Variants in EPHA6 observed in about 807,000 individuals in gnomAD.
The protein encoded by EPHA6 is EPH receptor A6, also known as ephrin type-A receptor 6.
Under a neutral mutation model 112.0 loss-of-function variants are expected in EPHA6, and 50 were observed. That is an observed-to-expected ratio of 0.45 (90% CI 0.36 to 0.56). EPHA6 has a LOEUF of 0.56. Among genes scored for constraint, EPHA6 ranks in the 20% least tolerant of loss-of-function variants. The pLI is 0.00. For missense variants in EPHA6, 1,280 were observed against 1,417.4 expected, an observed-to-expected ratio of 0.90 and a Z score of 1.56; for synonymous variants, 529 against 490.7, an observed-to-expected ratio of 1.08 and a Z score of -1.03.
intron 3 of EPHA6, among the ~76,000 whole-genome samples, chr3:97,178,984 T>C (rs746433883): frequency 5.9e-5 from 9 of 152,128 alleles, no homozygotes; most frequent in Non-Finnish European, 1.5e-5. Flanking sequence ...CTCTTTGAAT[T>C]GCTCTTTTCT....
intron 3 of EPHA6, among the ~76,000 whole-genome samples, chr3:97,205,851 TTACA>T (rs2077701582): frequency 6.6e-6 from 1 of 152,102 alleles, no homozygotes; most frequent in African/African-American, 2.4e-5. Context: ...GCTAAACATG[TTACA>T]TAAATTGCAT....
intron 3 of EPHA6, among the ~76,000 whole-genome samples, chr3:97,028,967 A>T (rs2044732609): frequency 6.6e-6 from 1 of 151,668 alleles, no homozygotes; most frequent in African/African-American, 2.4e-5. Flanking sequence ...TGGATATAAT[A>T]GCTTCAAACA....
chr3:97,482,949 A>AGGAGGAAAATGG (rs1459688734), intron 9 of EPHA6, among the ~76,000 whole-genome samples: 28 of 152,184 alleles, frequency 1.8e-4, no homozygotes, highest in African/African-American at 5.6e-4. Context: ...CTAGAGATCT[A>AGGAGGAAAATGG]AAATGGAAAA....
At chr3:97,169,746 T>A (rs1416907816) in intron 3 of EPHA6, among the ~76,000 whole-genome samples, 2 of 152,188 alleles carry the variant, frequency 1.3e-5, no homozygotes, top group Non-Finnish European at 2.9e-5. Context: ...CTCACCTTAG[T>A]TTTTTCATTT....
intron 14 of EPHA6, among the ~76,000 whole-genome samples, chr3:97,716,302 C>T (rs1202655049): frequency 1.6e-5 from 2 of 125,274 alleles, no homozygotes; most frequent in Non-Finnish European, 3.0e-5. Flanking sequence ...GGCGCGGTGG[C>T]TCACGCCTGT....
chr3:97,661,080 A>G (rs928702795), intron 14 of EPHA6, among the ~76,000 whole-genome samples: 3 of 152,156 alleles, frequency 2.0e-5, no homozygotes, highest in Non-Finnish European at 2.9e-5. Flanking sequence ...AAAGTGGAAA[A>G]TATTAGTTCC....
At chr3:96,918,751 T>A (rs2039611667) in intron 2 of EPHA6, among the ~76,000 whole-genome samples, 1 of 152,022 alleles carries the variant, frequency 6.6e-6, no homozygotes, top group African/African-American at 2.4e-5. Flanking sequence ...TTGAGGTATG[T>A]GCTAGAAACT....
chr3:97,630,665 G>A (rs1280632442), intron 13 of EPHA6, among the ~76,000 whole-genome samples: 1 of 151,996 alleles, frequency 6.6e-6, no homozygotes, highest in African/African-American at 2.4e-5. Flanking sequence ...CAGACTTATA[G>A]AAGCCTCTTT....
At chr3:97,127,582 G>T (rs2048216954) in intron 3 of EPHA6, among the ~76,000 whole-genome samples, 1 of 152,018 alleles carries the variant, frequency 6.6e-6, no homozygotes, top group Admixed American at 6.5e-5. Context: ...TTAGCTGGGC[G>T]CAGTGGTGCA....
At chr3:97,556,628 G>A (rs1478098279) in intron 11 of EPHA6, among the ~76,000 whole-genome samples, 1 of 151,996 alleles carries the variant, frequency 6.6e-6, no homozygotes, top group Non-Finnish European at 1.5e-5. Context: ...AGGACACATG[G>A]GGATTATGGG....
chr3:97,668,389 T>C (rs573090286), intron 14 of EPHA6, among the ~76,000 whole-genome samples: 1 of 152,308 alleles, frequency 6.6e-6, no homozygotes, highest in African/African-American at 2.4e-5. Flanking sequence ...TTCTGTAGAC[T>C]TATTGTCCAA....
At chr3:97,513,501 GA>G (rs1463262443) in intron 10 of EPHA6, among the ~76,000 whole-genome samples, 2 of 152,152 alleles carry the variant, frequency 1.3e-5, no homozygotes, top group Non-Finnish European at 2.9e-5. Context: ...GCCATAGAAA[GA>G]AGGAAATCCT....
intron 3 of EPHA6, among the ~76,000 whole-genome samples, chr3:97,076,816 A>C (rs1004604106): frequency 6.6e-6 from 1 of 152,104 alleles, no homozygotes; most frequent in Admixed American, 6.6e-5. Context: ...GAATTATGGT[A>C]AATCTACTCT....
intron 14 of EPHA6, among the ~76,000 whole-genome samples, chr3:97,700,447 G>T (rs915225376): frequency 1.3e-5 from 2 of 152,140 alleles, no homozygotes; most frequent in Admixed American, 6.6e-5. Flanking sequence ...GACCTGGCTG[G>T]GTAGAGGTGA....
At chr3:97,657,520 A>G (rs1469580677) in intron 14 of EPHA6, among the ~76,000 whole-genome samples, 1 of 151,842 alleles carries the variant, frequency 6.6e-6, no homozygotes, top group Non-Finnish European at 1.5e-5. Flanking sequence ...ATAAACTTGG[A>G]GCTGTGATTT....
intron 14 of EPHA6, among the ~76,000 whole-genome samples, chr3:97,673,479 C>T (rs533912920): frequency 1.1e-4 from 17 of 152,294 alleles, no homozygotes; most frequent in Non-Finnish European, 2.1e-4. Context: ...ATATGAACCT[C>T]CTTTGTGATT....
chr3:97,675,483 A>G (rs1289129704), intron 14 of EPHA6, among the ~76,000 whole-genome samples: 2 of 152,170 alleles, frequency 1.3e-5, no homozygotes, highest in Non-Finnish European at 2.9e-5. Flanking sequence ...CCACCTTAAT[A>G]TAAAAAAGTA....
intron 2 of EPHA6, among the ~76,000 whole-genome samples, chr3:96,956,816 C>G (rs1204969209): frequency 5.1e-4 from 77 of 151,936 alleles, no homozygotes; most frequent in Non-Finnish European, 2.9e-5. Context: ...GGGTGGATCA[C>G]GAGGTCCGGA....
chr3:97,157,096 C>A (rs1414595532), intron 3 of EPHA6, among the ~76,000 whole-genome samples: 1 of 152,096 alleles, frequency 6.6e-6, no homozygotes, highest in Non-Finnish European at 1.5e-5. Context: ...GCCTCAGTAT[C>A]TGTGAAGTAA....
Sources: gnomAD v4.1 joint callset for allele counts (sites outside exome capture counted in the v4.1 genomes callset) on GRCh38, gnomAD v4.1.1 for gene constraint, MANE v1.5 for transcripts, NCBI Gene and HGNC (gene_info 2026-07-23, HGNC 2026-07-21) for gene names.